Variants in GALNT1 observed in about 807,000 individuals in gnomAD.
GALNT1 encodes polypeptide N-acetylgalactosaminyltransferase 1, also known as GalNAc transferase 1.
A neutral mutation model predicts 65.7 loss-of-function variants in GALNT1; 17 were observed. The ratio of observed to expected loss-of-function variants is 0.26; its 90% confidence interval spans 0.18 to 0.39. GALNT1 has a LOEUF of 0.39. GALNT1 is among the 10% of genes least tolerant of loss of function. The pLI is 1.00. For missense variants in GALNT1, 460 were observed against 672.8 expected (o/e 0.68, Z 3.50); for synonymous variants, 210 against 219.7 (o/e 0.96, Z 0.39).
chr18:35,706,283 G>A (rs145846605), intron 11 of GALNT1, among the ~76,000 whole-genome samples: 1,598 of 152,244 alleles, frequency 0.01, 12 homozygotes, highest in Middle Eastern at 0.031. Flanking sequence ...GGCCGAGGTG[G>A]GCGGATGACG....
intron 1 of GALNT1, among the ~76,000 whole-genome samples, chr18:35,615,699 G>T: frequency 6.6e-6 from 1 of 152,212 alleles, no homozygotes; most frequent in Admixed American, 6.5e-5. Flanking sequence ...CCATATGTCA[G>T]TACGCATACA....
intron 1 of GALNT1, among the ~76,000 whole-genome samples, chr18:35,584,141 GTAGT>G (rs2046354215): frequency 6.6e-6 from 1 of 152,142 alleles, no homozygotes; most frequent in Non-Finnish European, 1.5e-5. Flanking sequence ...CATAACTTTG[GTAGT>G]TTTGAGGAAT....
Position 35,683,250 on chromosome 18 carries a change from A to G in GALNT1, c.482-141A>G, listed in dbSNP as rs1229507881. ...GGGGAATATAAAGGCTTCCTTTAGC[A>G]GAATGGGTTTATGAGTCAGGGAGCC... On this transcript the variant is annotated intron_variant, in intron 4 of 11. Coordinates refer to ENST00000269195, the MANE Select transcript of GALNT1 (RefSeq NM_020474.4). 5 of 632,546 alleles carry G rather than the reference A, an allele frequency of 7.9e-6. No homozygotes were observed. The Admixed American group carries it at 1.5e-4, about 19-fold the overall frequency. The allele number at this position is 632,546 out of a possible 1,614,324, so 39.2% of individuals were successfully genotyped here. A position where few individuals can be genotyped will look rare whatever the true frequency, so the allele number is the denominator to read the frequency against.
At chr18:35,610,162 A>C (rs1211572224) in intron 1 of GALNT1, among the ~76,000 whole-genome samples, 1 of 152,134 alleles carries the variant, frequency 6.6e-6, no homozygotes, top group East Asian at 1.9e-4. Flanking sequence ...GGCAGCTGGG[A>C]GTGGTTGGAT....
At chr18:35,653,124 C>T (rs942279282) in intron 1 of GALNT1, among the ~76,000 whole-genome samples, 8 of 152,100 alleles carry the variant, frequency 5.3e-5, no homozygotes, top group Non-Finnish European at 8.8e-5. Context: ...TACAGGTGAC[C>T]CAGTATCAGG....
At chr18:35,587,577 T>G (rs190719897) in intron 1 of GALNT1, among the ~76,000 whole-genome samples, 1 of 151,872 alleles carries the variant, frequency 6.6e-6, no homozygotes, top group Admixed American at 6.5e-5. Flanking sequence ...TTTTATTGTG[T>G]TTTTTGTTCA....
chr18:35,589,669 T>G (rs1388429161), intron 1 of GALNT1, among the ~76,000 whole-genome samples: 1 of 152,182 alleles, frequency 6.6e-6, no homozygotes, highest in East Asian at 1.9e-4. Flanking sequence ...TTCTCATGTT[T>G]GTTTTATATG....
intron 11 of GALNT1, 122 bp from the exon 12 acceptor site, chr18:35,709,502 C>G (rs931022417): frequency 1.1e-6 from 1 of 906,682 alleles, no homozygotes; most frequent in Non-Finnish European, 1.6e-6. Context: ...TCTCCGTTGT[C>G]TTTTAAATAA....
intron 11 of GALNT1, among the ~76,000 whole-genome samples, chr18:35,704,693 G>A (rs552584225): frequency 6.7e-6 from 1 of 148,478 alleles, no homozygotes; most frequent in Non-Finnish European, 1.5e-5. Context: ...CGCCCAGGCT[G>A]GAGTGCAGTG....
chr18:35,683,410 A>G lies in GALNT1; in HGVS notation c.501A>G (p.Leu167=). 1 of 1,613,216 alleles carries G rather than the reference A, an allele frequency of 6.2e-7. No homozygotes were observed. ...TTCCAGACTTTTTGAAAAGGCCTTT[A>G]GAGAGTTATGTGAAAAAACTAAAAG... is the stretch of plus-strand genomic sequence containing the variant. ...ASERDFLKRP[L]ESYVKKLKVP... Residue 167 remains leucine, a synonymous_variant, in exon 5 of 12, where the codon TTA becomes TTG. Coordinates refer to ENST00000269195, the MANE Select transcript of GALNT1 (RefSeq NM_020474.4).
intron 1 of GALNT1, among the ~76,000 whole-genome samples, chr18:35,591,519 G>A (rs2046443926): frequency 6.6e-6 from 1 of 152,184 alleles, no homozygotes; most frequent in African/African-American, 2.4e-5. Flanking sequence ...AGGTAAACCT[G>A]TCCCCATGGC....
chr18:35,685,284 G>A (rs1256997849), intron 5 of GALNT1, among the ~76,000 whole-genome samples: 2 of 151,998 alleles, frequency 1.3e-5, no homozygotes, highest in African/African-American at 2.4e-5. Flanking sequence ...TTGGTTTAGC[G>A]TAATATTACA....
At chr18:35,645,603 G>A (rs894998686) in intron 1 of GALNT1, among the ~76,000 whole-genome samples, 6 of 152,122 alleles carry the variant, frequency 3.9e-5, no homozygotes, top group African/African-American at 1.4e-4. Context: ...TTCATCTGTA[G>A]TCATCTGCCT....
intron 9 of GALNT1, among the ~76,000 whole-genome samples, chr18:35,699,417 A>G (rs962607822): frequency 1.3e-5 from 2 of 152,202 alleles, no homozygotes; most frequent in Non-Finnish European, 2.9e-5. Context: ...CCTGATGACT[A>G]CTGAATATGT....
chr18:35,603,294 G>A (rs957604892), intron 1 of GALNT1, among the ~76,000 whole-genome samples: 1 of 152,150 alleles, frequency 6.6e-6, no homozygotes, highest in Non-Finnish European at 1.5e-5. Flanking sequence ...GCAGTGCCTA[G>A]CAGATTGTGG....
chr18:35,671,432 G>C (rs147802174), intron 3 of GALNT1, among the ~76,000 whole-genome samples: 2 of 152,206 alleles, frequency 1.3e-5, no homozygotes, highest in African/African-American at 4.8e-5. Context: ...CGTTGCCCAG[G>C]CTGGGACTTT....
intron 5 of GALNT1, among the ~76,000 whole-genome samples, 179 bp from the exon 6 acceptor site, chr18:35,686,837 C>T (rs1163879616): frequency 3.3e-5 from 5 of 151,988 alleles, no homozygotes; most frequent in Non-Finnish European, 5.9e-5. Flanking sequence ...TTGAGGAGGT[C>T]GAGGCTGCAG....
chr18:35,608,875 G>A (rs945793509), intron 1 of GALNT1, among the ~76,000 whole-genome samples: 2 of 152,142 alleles, frequency 1.3e-5, no homozygotes, highest in Admixed American at 6.5e-5. Flanking sequence ...CTAAGCACTA[G>A]CCATCATAGG....
intron 11 of GALNT1, among the ~76,000 whole-genome samples, chr18:35,707,302 C>T (rs910680643): frequency 1.3e-5 from 2 of 152,162 alleles, no homozygotes; most frequent in African/African-American, 2.4e-5. Context: ...TTAATTATAG[C>T]TTTTATCCTC....
Sources: gnomAD v4.1 joint callset for allele counts (sites outside exome capture counted in the v4.1 genomes callset) on GRCh38, gnomAD v4.1.1 for gene constraint, MANE v1.5 for transcripts, NCBI Gene and HGNC (gene_info 2026-07-23, HGNC 2026-07-21) for gene names.